The following MYOZ2 variants were observed in gnomAD, a reference collection of about 807,000 sequenced individuals.
The protein encoded by MYOZ2 is myozenin-2.
MYOZ2 carries 19 observed loss-of-function variants against 25.4 expected under a neutral mutation model. The observed-to-expected ratio is 0.75, with a 90% CI of 0.52 to 1.10. The LOEUF is 1.10. Among genes scored for constraint, MYOZ2 ranks in the 50% least tolerant of loss-of-function variants. The probability of loss-of-function intolerance (pLI) is 0.00; values close to 1 mark genes in which losing one functional copy is unlikely to be tolerated. For synonymous variants in MYOZ2, 92 were observed against 106.9 expected (o/e 0.86, Z 0.86); for missense variants, 270 against 317.9 (o/e 0.85, Z 1.15).
At chr4:119,137,120 T>G (rs1033365908) in intron 2 of MYOZ2, among the ~76,000 whole-genome samples, 2 of 152,224 alleles carry the variant, frequency 1.3e-5, no homozygotes, top group Non-Finnish European at 2.9e-5. Context: ...TTAATTGATT[T>G]ACTAACATAT....
At chr4:119,174,025 G>A (rs1467844868) in intron 5 of MYOZ2, among the ~76,000 whole-genome samples, 1 of 152,244 alleles carries the variant, frequency 6.6e-6, no homozygotes, top group East Asian at 1.9e-4. Context: ...CCTTCCCGCA[G>A]GGCAGGGCTT....
chr4:119,176,093 C>T (rs1476122702), intron 5 of MYOZ2, among the ~76,000 whole-genome samples: 1 of 151,988 alleles, frequency 6.6e-6, no homozygotes, highest in Non-Finnish European at 1.5e-5. Context: ...CATGTTTCAC[C>T]GTCTTTGAGT....
chr4:119,157,626 A>G (rs905606854), intron 3 of MYOZ2, among the ~76,000 whole-genome samples: 5 of 152,218 alleles, frequency 3.3e-5, no homozygotes, highest in African/African-American at 7.2e-5. Flanking sequence ...AAGATTTACT[A>G]GGCCAAATGC....
rs199981044 is a variant in MYOZ2, at chr4:119,158,165, T to A, written c.376+14T>A. On this transcript the variant is annotated intron_variant, in intron 4 of 5. Transcript: ENST00000307128. ...ACATTGCTCCAGGTAACCAATCCCC[T>A]TACCAACAGAGCAATAAAATTTCTG... 6.2e-7 allele frequency: 1 copy of A among 1,613,832 alleles called. No homozygotes were observed. The highest frequency in any genetic ancestry group is 1.3e-5 in the African/African-American group (1 of 75,010).
In MYOZ2 at chr4:119,174,744, C is replaced by G. The variant is rs571978449; in HGVS notation, c.560+10350C>G. Among the ~76,000 whole-genome samples, 3 of 152,254 alleles carry G rather than the reference C, an allele frequency of 2.0e-5. No homozygotes were observed. In the South Asian group the frequency reaches 6.2e-4, roughly 32 times the overall value. ...GCTGCCCAAGCCAGCAGTGGCAACC[C>G]GCTCGGGTCCCCTTCCACACAGTGG... On this transcript the variant is annotated intron_variant, in intron 5 of 5. Coordinates refer to ENST00000307128, the MANE Select transcript of MYOZ2 (RefSeq NM_016599.5).
chr4:119,147,537 T>C (rs1741328994), intron 2 of MYOZ2, among the ~76,000 whole-genome samples: 1 of 151,974 alleles, frequency 6.6e-6, no homozygotes, highest in South Asian at 2.1e-4. Flanking sequence ...GGTCAGGAGT[T>C]CGAGACCAGC....
intron 5 of MYOZ2, among the ~76,000 whole-genome samples, chr4:119,169,914 C>T (rs78481914): frequency 0.029 from 4,472 of 152,294 alleles, 235 homozygotes; most frequent in African/African-American, 0.1. Context: ...AAATGAATCC[C>T]TTCTAGAAAG....
chr4:119,156,104 T>C (rs573985157), intron 3 of MYOZ2, among the ~76,000 whole-genome samples: 1 of 152,170 alleles, frequency 6.6e-6, no homozygotes, highest in Non-Finnish European at 1.5e-5. Context: ...CGAATTATAG[T>C]AAATGATACG....
At chr4:119,154,313 A>C (rs112620413) in intron 3 of MYOZ2, among the ~76,000 whole-genome samples, 3 of 152,270 alleles carry the variant, frequency 2.0e-5, no homozygotes, top group Non-Finnish European at 2.9e-5. Flanking sequence ...CTTTAGGGTC[A>C]ACTTAACTGA....
At chr4:119,154,621 T>C (rs1257369829) in intron 3 of MYOZ2, among the ~76,000 whole-genome samples, 1 of 152,176 alleles carries the variant, frequency 6.6e-6, no homozygotes, top group Non-Finnish European at 1.5e-5. Context: ...GTGAAATTCA[T>C]TTAATGAACA....
intron 4 of MYOZ2, 25 bp downstream of exon 4, chr4:119,158,176 G>A (rs1741626655): frequency 1.2e-6 from 2 of 1,613,058 alleles, no homozygotes; most frequent in Admixed American, 1.7e-5. Context: ...TACCAACAGA[G>A]CAATAAAATT....
At chr4:119,171,242 AG>A (rs1389982209) in intron 5 of MYOZ2, among the ~76,000 whole-genome samples, 1 of 152,162 alleles carries the variant, frequency 6.6e-6, no homozygotes, top group East Asian at 1.9e-4. Context: ...AAAATTTAAA[AG>A]AAGCTACCAG....
intron 2 of MYOZ2, among the ~76,000 whole-genome samples, chr4:119,145,511 T>TGTG (rs1741269834): frequency 1.8e-5 from 1 of 55,196 alleles, no homozygotes; most frequent in Admixed American, 2.0e-4. Context: ...TAAAACTGTG[T>TGTG]GTGTGTGTGT....
At chr4:119,161,778 T>C (rs1484302000) in intron 4 of MYOZ2, among the ~76,000 whole-genome samples, 1 of 152,140 alleles carries the variant, frequency 6.6e-6, no homozygotes, top group Non-Finnish European at 1.5e-5. Context: ...TACAGAAACA[T>C]TTAAAAGTAT....
Position 119,186,344 on chromosome 4 carries a change from AT to A in MYOZ2, c.*145del. 1 of 658,478 alleles carries A rather than the reference AT, an allele frequency of 1.5e-6. No individual in the cohort carries two copies. The highest frequency in any genetic ancestry group is 2.6e-6 in the Non-Finnish European group (1 of 382,602). The allele number at this position is 658,478 out of a possible 1,614,324, so 40.8% of individuals were successfully genotyped here. A position where few individuals can be genotyped will look rare whatever the true frequency, so the allele number is the denominator to read the frequency against. ...TTTCCTTTTCTGACATTCAATTTCA[AT>A]CTCAGATCAAATACTAATAAACAAT... On this transcript the variant is annotated 3_prime_UTR_variant, in exon 6 of 6. Transcript: ENST00000307128.
intron 5 of MYOZ2, among the ~76,000 whole-genome samples, chr4:119,167,321 C>T (rs1741844930): frequency 6.6e-6 from 1 of 152,114 alleles, no homozygotes; most frequent in Admixed American, 6.5e-5. Flanking sequence ...TAGCCAAAAC[C>T]CAATCCAGAG....
Position 119,158,046 on chromosome 4 carries a change from A to G in MYOZ2, c.271A>G (p.Lys91Glu), listed in dbSNP as rs756409793. The change falls in exon 4 of 6, where the codon AAA (lysine) becomes GAA (glutamate). Residue 91 changes from lysine to glutamate, a missense_variant. Lys to Glu is a moderately conservative substitution (Grantham distance 56). Coordinates refer to ENST00000307128, the MANE Select transcript of MYOZ2 (RefSeq NM_016599.5). ...INHSIAMQNG[K>E]VDGSNLEGGS... ...GCACAGTATTGCTATGCAGAATGGG[A>G]AAGTGGATGGAAGTAACTTGGAAGG... is the stretch of plus-strand genomic sequence containing the variant. The G allele has an allele frequency of 1.9e-6, 3 of 1,614,032 alleles. No individual in the cohort carries two copies. Among genetic ancestry groups the G allele is most frequent in the Middle Eastern group, 1.6e-4 (1 of 6,062 alleles).
chr4:119,145,550 T>TGTGTGTG (rs1561104817), intron 2 of MYOZ2, among the ~76,000 whole-genome samples: 2,174 of 102,840 alleles, frequency 0.021, 38 homozygotes, highest in Middle Eastern at 0.035. Context: ...GTGTGTGTGT[T>TGTGTGTG]TTTGGTAGAG....
At chr4:119,142,808 G>A (rs1421287774) in intron 2 of MYOZ2, among the ~76,000 whole-genome samples, 1 of 152,232 alleles carries the variant, frequency 6.6e-6, no homozygotes, top group Non-Finnish European at 1.5e-5. Flanking sequence ...ATGAGTTGCT[G>A]TATAAACTTC....
Sources: gnomAD v4.1 joint callset for allele counts (sites outside exome capture counted in the v4.1 genomes callset) on GRCh38, gnomAD v4.1.1 for gene constraint, MANE v1.5 for transcripts, NCBI Gene and HGNC (gene_info 2026-07-23, HGNC 2026-07-21) for gene names.